The following ACO1 variants were observed in gnomAD, a reference collection of about 807,000 sequenced individuals.
ACO1 encodes cytoplasmic aconitate hydratase.
In ACO1, 78 loss-of-function variants were observed where a neutral mutation model predicts 105.1. That is an observed-to-expected ratio of 0.74 (90% CI 0.62 to 0.90). The LOEUF (loss-of-function observed/expected upper bound fraction) is 0.90. ACO1 is among the 40% of genes least tolerant of loss of function. The pLI is 0.00. For synonymous variants in ACO1, 364 were observed against 397.4 expected (o/e 0.92, Z 1.00); for missense variants, 965 against 1,111.1 (o/e 0.87, Z 1.87).
chr9:32,434,645 C>A lies in ACO1; in HGVS notation c.2043C>A (p.Ser681=), dbSNP rs1013581099. 21 of 1,613,942 alleles carry A rather than the reference C, an allele frequency of 1.3e-5. No homozygotes were observed. The highest frequency in any genetic ancestry group is 1.8e-5 in the Non-Finnish European group (21 of 1,179,994). ...ATTCGGTAACAACTGACCACATCTC[C>A]CCAGCTGGAAATATTGCAAGAAACA... ...LGDSVTTDHI[S]PAGNIARNSP... Residue 681 remains serine, a synonymous_variant, in exon 17 of 21, where the codon TCC becomes TCA. Transcript: ENST00000309951.
intron 1 of ACO1, among the ~76,000 whole-genome samples, chr9:32,393,471 A>G (rs921853866): frequency 2.0e-5 from 3 of 152,150 alleles, no homozygotes; most frequent in Non-Finnish European, 4.4e-5. Flanking sequence ...GTGACAATGC[A>G]TGCCCGAAAC....
Position 32,450,185 on chromosome 9 carries a change from T to G in ACO1, c.*74T>G. On this transcript the variant is annotated 3_prime_UTR_variant, in exon 21 of 21. Coordinates refer to ENST00000309951, the MANE Select transcript of ACO1 (RefSeq NM_002197.3). ...CAGCGCAGGCCCTGGTGGAGAGGCC[T>G]CCCTGGCTGCCTCTGGGAGGGGTGC... is the stretch of plus-strand genomic sequence containing the variant. The G allele has an allele frequency of 8.1e-7, 1 of 1,228,328 alleles. No individual in the cohort carries two copies. Among genetic ancestry groups the G allele is most frequent in the Non-Finnish European group, 1.2e-6 (1 of 831,706 alleles). 76.1% of individuals were successfully genotyped at this position (1,228,328 alleles called of 1,614,324 possible). A position where few individuals can be genotyped will look rare whatever the true frequency, so the allele number is the denominator to read the frequency against.
intron 19 of ACO1, chr9:32,445,656 CT>C: frequency 4.0e-6 from 1 of 249,908 alleles, no homozygotes; most frequent in South Asian, 3.3e-5. Flanking sequence ...CTTCTGCTAG[CT>C]TTTGAGTTTG....
intron 9 of ACO1, 54 bp from the exon 10 acceptor site, chr9:32,424,495 C>T: frequency 8.1e-7 from 1 of 1,231,414 alleles, no homozygotes; most frequent in Middle Eastern, 1.9e-4. Context: ...CTTTGGGTTT[C>T]CTCTTTGTGG....
At chr9:32,392,526 T>C (rs1821287194) in intron 1 of ACO1, among the ~76,000 whole-genome samples, 1 of 152,232 alleles carries the variant, frequency 6.6e-6, no homozygotes, top group Non-Finnish European at 1.5e-5. Flanking sequence ...TCCCAGCTTC[T>C]GTCCCAGTCC....
At chr9:32,409,372 A>G (rs1179006821) in intron 4 of ACO1, among the ~76,000 whole-genome samples, 1 of 152,198 alleles carries the variant, frequency 6.6e-6, no homozygotes, top group African/African-American at 2.4e-5. Flanking sequence ...TCCTAAATTG[A>G]GTGACCTTGA....
At position 32,419,157 on chromosome 9, in the gene ACO1, A is replaced by G. The variant is rs1293303507; in HGVS notation, c.778A>G (p.Ile260Val). Residue 260 changes from isoleucine to valine, a missense_variant, in exon 7 of 21, where the codon ATC becomes GTC. Physicochemically the swap from Ile to Val is conservative, Grantham distance 29. Coordinates refer to ENST00000309951, the MANE Select transcript of ACO1 (RefSeq NM_002197.3). ...KPHPLVTSTD[I>V]VLTITKHLRQ... Reference sequence around the variant, plus strand: ...CCACCCTCTGGTAACATCCACTGACATCGTGCTCACCATTACCAAGGTAAC... The same window carrying G: ...CCACCCTCTGGTAACATCCACTGACGTCGTGCTCACCATTACCAAGGTAAC... 2 of 1,599,696 alleles carry G rather than the reference A, an allele frequency of 1.3e-6. No homozygotes were observed. The highest frequency in any genetic ancestry group is 1.1e-5 in the South Asian group (1 of 88,878).
chr9:32,449,172 A>T, intron 20 of ACO1, 91 bp downstream of exon 20: 1 of 1,302,850 alleles, frequency 7.7e-7, no homozygotes, highest in South Asian at 1.5e-5. Context: ...TGAGGTTTAG[A>T]AGGCAAAAAA....
chr9:32,436,772 GGAGTA>G (rs1266931971), intron 18 of ACO1, among the ~76,000 whole-genome samples: 1 of 152,222 alleles, frequency 6.6e-6, no homozygotes, highest in Non-Finnish European at 1.5e-5. Context: ...ATGAAAAGAA[GGAGTA>G]GAGAGGTGCT....
At chr9:32,429,874 A>G (rs1822187701) in intron 13 of ACO1, among the ~76,000 whole-genome samples, 1 of 152,204 alleles carries the variant, frequency 6.6e-6, no homozygotes, top group African/African-American at 2.4e-5. Flanking sequence ...GTGCAAAAGT[A>G]ACTGTGATTT....
At chr9:32,448,038 G>A (rs112937253) in intron 19 of ACO1, among the ~76,000 whole-genome samples, 19,525 of 152,170 alleles carry the variant, frequency 0.13, 1,708 homozygotes, top group South Asian at 0.25. Flanking sequence ...CCCACTTGAG[G>A]AGGCAATCTG....
chr9:32,443,264 A>C (rs1822522250), intron 19 of ACO1, among the ~76,000 whole-genome samples: 1 of 152,188 alleles, frequency 6.6e-6, no homozygotes, highest in Admixed American at 6.5e-5. Flanking sequence ...CTTAGAGTAC[A>C]AAGTTAATGT....
chr9:32,428,975 C>T (rs1392415309), intron 12 of ACO1, among the ~76,000 whole-genome samples: 2 of 152,212 alleles, frequency 1.3e-5, no homozygotes, highest in African/African-American at 4.8e-5. Flanking sequence ...ACCACATATA[C>T]ATTTGGGTAT....
At chr9:32,436,422 C>A in intron 18 of ACO1, 25 bp downstream of exon 18, 2 of 1,610,062 alleles carry the variant, frequency 1.2e-6, no homozygotes, top group Non-Finnish European at 1.7e-6. Flanking sequence ...CTGCTTCCTG[C>A]AGACACTAGC....
At chr9:32,390,090 G>T (rs1298226462) in intron 1 of ACO1, among the ~76,000 whole-genome samples, 1 of 152,172 alleles carries the variant, frequency 6.6e-6, no homozygotes, top group African/African-American at 2.4e-5. Flanking sequence ...GAGCCACTGC[G>T]CCTGGCTCTT....
At chr9:32,398,734 C>T (rs1181091858) in intron 1 of ACO1, among the ~76,000 whole-genome samples, 1 of 152,038 alleles carries the variant, frequency 6.6e-6, no homozygotes, top group Non-Finnish European at 1.5e-5. Flanking sequence ...GCTGGGACTA[C>T]AGGTGTGGGA....
chr9:32,426,028 A>T (rs1822086340), intron 11 of ACO1, 31 bp downstream of exon 11: 3 of 1,606,912 alleles, frequency 1.9e-6, no homozygotes, highest in Non-Finnish European at 2.6e-6. Context: ...CCTCATGGTC[A>T]TACATGTGTG....
At chr9:32,394,657 CCT>C (rs1299424047) in intron 1 of ACO1, among the ~76,000 whole-genome samples, 1 of 152,184 alleles carries the variant, frequency 6.6e-6, no homozygotes, top group Non-Finnish European at 1.5e-5. Flanking sequence ...GTTCCAGTTC[CCT>C]CTCTCAGCAC....
Position 32,434,743 on chromosome 9 carries a change from A to G in ACO1, c.2099+42A>G, listed in dbSNP as rs775629122. ...CAGGAAGGACTAAAGGCAAAAATGGAGGAATGGAGTTAATGAGGCCAGCAT... is the reference window on the plus strand; with the variant it reads ...CAGGAAGGACTAAAGGCAAAAATGGGGGAATGGAGTTAATGAGGCCAGCAT... On this transcript the variant is annotated intron_variant, in intron 17 of 20. Transcript: ENST00000309951. 3.7e-6 allele frequency: 6 copies of G among 1,608,266 alleles called. No individual in the cohort carries two copies. The East Asian group carries it at 1.3e-4, about 36-fold the overall frequency.
Sources: gnomAD v4.1 joint callset for allele counts (sites outside exome capture counted in the v4.1 genomes callset) on GRCh38, gnomAD v4.1.1 for gene constraint, MANE v1.5 for transcripts, NCBI Gene and HGNC (gene_info 2026-07-23, HGNC 2026-07-21) for gene names.